Variants in SLC35A3 observed in about 807,000 individuals in gnomAD.
SLC35A3 encodes the protein UDP-N-acetylglucosamine transporter.
SLC35A3 carries 26 observed loss-of-function variants against 39.0 expected under a neutral mutation model. The ratio of observed to expected loss-of-function variants is 0.67; its 90% CI spans 0.49 to 0.92. The LOEUF is 0.92. Ranked by LOEUF, SLC35A3 falls within the 40% of genes least tolerant of loss-of-function variation. The probability of loss-of-function intolerance (pLI) is 0.00; values close to 1 mark genes in which losing one functional copy is unlikely to be tolerated. For synonymous variants in SLC35A3, 135 were observed against 133.1 expected, an observed-to-expected ratio of 1.01 and a Z score of -0.10; for missense variants, 299 against 371.6, an observed-to-expected ratio of 0.80 and a Z score of 1.61.
intron 1 of SLC35A3, among the ~76,000 whole-genome samples, chr1:99,981,871 A>G (rs1284014922): frequency 1.3e-5 from 2 of 152,190 alleles, no homozygotes. Context: ...AGCAAAATAC[A>G]GATATTGTCT....
At chr1:99,997,064 G>T (rs916234181) in intron 2 of SLC35A3, among the ~76,000 whole-genome samples, 2 of 151,736 alleles carry the variant, frequency 1.3e-5, no homozygotes, top group Non-Finnish European at 2.9e-5. Context: ...TATCTCTAAA[G>T]GATCTTTGGC....
intron 1 of SLC35A3, among the ~76,000 whole-genome samples, chr1:99,983,953 A>G (rs541494999): frequency 6.6e-6 from 1 of 152,270 alleles, no homozygotes; most frequent in African/African-American, 2.4e-5. Context: ...CATTTAATTA[A>G]TTATTTTACA....
At chr1:99,999,118 A>G (rs1658594165) in intron 2 of SLC35A3, 143 bp from the exon 3 acceptor site, 6 of 447,250 alleles carry the variant, frequency 1.3e-5, no homozygotes, top group South Asian at 1.2e-4. Context: ...TCAGCATCAT[A>G]AAGATATATT....
chr1:100,011,383 C>A lies in SLC35A3; in HGVS notation c.484C>A (p.Leu162Ile). 2.0e-6 allele frequency: 3 copies of A among 1,537,048 alleles called. No individual in the cohort carries two copies. The highest frequency in any genetic ancestry group is 1.8e-6 in the Non-Finnish European group (2 of 1,137,528). The change falls in exon 5 of 8, where the codon CTT (leucine) becomes ATT (isoleucine). Residue 162 changes from leucine to isoleucine, a missense_variant. Leu to Ile is a conservative substitution (Grantham distance 5, BLOSUM62 2). Coordinates refer to ENST00000533028, the MANE Select transcript of SLC35A3 (RefSeq NM_012243.3). ...TATTTAGTGGCCCTCAGATTCTCAG[C>A]TTGATTCTAAGGAACTTTCAGCTGG... ...AFVQWPSDSQ[L>I]DSKELSAGSQ...
chr1:99,978,876 A>C (rs911575096), intron 1 of SLC35A3: 1 of 152,232 alleles, frequency 6.6e-6, no homozygotes, highest in African/African-American at 2.4e-5. Flanking sequence ...AAATATAGCA[A>C]CTTAATTTCA....
chr1:100,018,169 T>TTTATA (rs1385274986), intron 7 of SLC35A3, among the ~76,000 whole-genome samples: 2 of 152,128 alleles, frequency 1.3e-5, no homozygotes, highest in Non-Finnish European at 2.9e-5. Flanking sequence ...AAGGAGATAG[T>TTTATA]TTATATAGAG....
chr1:100,007,101 G>A lies in SLC35A3; in HGVS notation c.410G>A (p.Gly137Asp). The change falls in exon 4 of 8, where the codon GGT (glycine) becomes GAT (aspartate). Residue 137 changes from glycine to aspartate, a missense_variant. Physicochemically the swap from Gly to Asp is moderately conservative, Grantham distance 94. Coordinates refer to ENST00000533028, the MANE Select transcript of SLC35A3 (RefSeq NM_012243.3). Reference protein sequence around the residue: ...FSVSMLSKKLGVYQWLSLVIL... With the variant: ...FSVSMLSKKLDVYQWLSLVIL... ...GTGTCTATGCTTAGTAAAAAATTGG[G>A]TGTATACCAGTGGCTGTCCCTAGTA... The A allele has an allele frequency of 7.4e-6, 12 of 1,612,602 alleles. No homozygotes were observed. Among genetic ancestry groups the A allele is most frequent in the Non-Finnish European group, 9.3e-6 (11 of 1,179,274 alleles).
chr1:99,971,302 A>G (rs760620294), intron 1 of SLC35A3, among the ~76,000 whole-genome samples: 18 of 151,750 alleles, frequency 1.2e-4, no homozygotes, highest in Non-Finnish European at 2.4e-4. Flanking sequence ...AGTAAAATCA[A>G]TATGATTCTT....
intron 3 of SLC35A3, among the ~76,000 whole-genome samples, chr1:100,000,414 T>G (rs1416773857): frequency 1.3e-5 from 2 of 152,164 alleles, no homozygotes; most frequent in Non-Finnish European, 2.9e-5. Context: ...TTTGCCCACT[T>G]TTTAATGGGA....
rs749135179 is a variant in SLC35A3, at chr1:100,033,320, G to A, written c.*10844G>A. 8.0e-5 allele frequency: 12 copies of A among 150,496 alleles called. No homozygotes were observed. The highest frequency in any genetic ancestry group is 1.5e-4 in the African/African-American group (6 of 41,088). The allele number at this position is 150,496 out of a possible 1,614,324, so 9.3% of individuals were successfully genotyped here. A position where few individuals can be genotyped will look rare whatever the true frequency, so the allele number is the denominator to read the frequency against. On this transcript the variant is annotated 3_prime_UTR_variant, in exon 8 of 8. Coordinates refer to ENST00000533028, the MANE Select transcript of SLC35A3 (RefSeq NM_012243.3). Reference sequence around the variant, plus strand: ...AAAAAAAAAAAAGATAAATTTTTTCGAAAAGTTTTATATGAAAAGTGTACT... The same window carrying A: ...AAAAAAAAAAAAGATAAATTTTTTCAAAAAGTTTTATATGAAAAGTGTACT...
intron 1 of SLC35A3, among the ~76,000 whole-genome samples, chr1:99,978,535 A>G (rs1440255306): frequency 6.6e-6 from 1 of 152,190 alleles, no homozygotes; most frequent in Non-Finnish European, 1.5e-5. Context: ...CAAAAAATAT[A>G]AAATAAAATA....
chr1:99,993,737 C>A lies in SLC35A3; in HGVS notation c.183C>A (p.Asp61Glu), dbSNP rs775133186. The change falls in exon 2 of 8, where the codon GAC (aspartate) becomes GAA (glutamate). Residue 61 changes from aspartate to glutamate, a missense_variant. Asp to Glu is a conservative substitution (Grantham distance 45, BLOSUM62 2). Transcript: ENST00000533028. ...IMACILLVYK[D>E]SKCSLRALNR... Reference sequence around the variant, plus strand: ...CCTGCATTTTATTGGTCTACAAAGACAGCAGTAGGTATCTAGGTTTTTTGT... The same window carrying A: ...CCTGCATTTTATTGGTCTACAAAGAAAGCAGTAGGTATCTAGGTTTTTTGT... The A allele has an allele frequency of 6.2e-7, 1 of 1,613,248 alleles. No individual in the cohort carries two copies. The highest frequency in any genetic ancestry group is 2.2e-5 in the East Asian group (1 of 44,838).
chr1:99,991,136 C>A (rs1658055693), intron 1 of SLC35A3, among the ~76,000 whole-genome samples: 1 of 152,104 alleles, frequency 6.6e-6, no homozygotes, highest in Non-Finnish European at 1.5e-5. Context: ...TGTCCTCATG[C>A]CAATACCAGG....
intron 3 of SLC35A3, chr1:100,000,529 T>A (rs1658696731): frequency 6.6e-6 from 1 of 152,132 alleles, no homozygotes; most frequent in African/African-American, 2.4e-5. Flanking sequence ...TGTGTCTGTA[T>A]TTTTTTCTTT....
chr1:99,997,401 TATATAGTTTTATATATATATATATATATA>T lies in SLC35A3; in HGVS notation c.188-1859_188-1831del, dbSNP rs1557832682. Among the ~76,000 whole-genome samples, 222 of 120,608 alleles carry T rather than the reference TATATAGTTTTATATATATATATATATATA, an allele frequency of 1.8e-3. 2 individuals are homozygous for T. The highest frequency in any genetic ancestry group is 4.1e-3 in the Middle Eastern group (1 of 242). 79.1% of individuals were successfully genotyped at this position (120,608 alleles called of 152,430 possible). A position where few individuals can be genotyped will look rare whatever the true frequency, so the allele number is the denominator to read the frequency against. On this transcript the variant is annotated intron_variant, in intron 2 of 7. Coordinates refer to ENST00000533028, the MANE Select transcript of SLC35A3 (RefSeq NM_012243.3). ...AAAATATATACAGTTATATGTTTTA[TATATAGTTTTATATATATATATATATATA>T]TATATATATATATATATATATATAT... is the stretch of plus-strand genomic sequence containing the variant.
Position 99,999,263 on chromosome 1 carries a change from T to C in SLC35A3, c.190T>C (p.Cys64Arg), listed in dbSNP as rs755793110. ...CILLVYKDSK[C>R]SLRALNRVLH... ...ATTTTTCTCATATTATTTTCTAGAA[T>C]GTAGTCTAAGAGCACTGAATCGAGT... The change falls in exon 3 of 8, where the codon TGT becomes CGT. Residue 64 changes from cysteine (C) to arginine (R), a missense_variant and splice_region_variant. Physicochemically the swap from Cys to Arg is radical, Grantham distance 180 (BLOSUM62 -3). Coordinates refer to ENST00000533028, the MANE Select transcript of SLC35A3 (RefSeq NM_012243.3). 2.6e-6 allele frequency: 4 copies of C among 1,514,142 alleles called. No homozygotes were observed. The highest frequency in any genetic ancestry group is 2.4e-5 in the East Asian group (1 of 42,388). The allele number at this position is 1,514,142 out of a possible 1,614,324, so 93.8% of individuals were successfully genotyped here. A position where few individuals can be genotyped will look rare whatever the true frequency, so the allele number is the denominator to read the frequency against.
intron 1 of SLC35A3, among the ~76,000 whole-genome samples, chr1:99,976,983 A>G (rs1657143115): frequency 6.6e-6 from 1 of 152,228 alleles, no homozygotes. Context: ...TTGGGGAAAA[A>G]AAAAGAATGT....
At chr1:99,997,843 G>T (rs527287984) in intron 2 of SLC35A3, among the ~76,000 whole-genome samples, 1 of 152,156 alleles carries the variant, frequency 6.6e-6, no homozygotes, top group African/African-American at 2.4e-5. Context: ...AGAATGGGCT[G>T]CAGTGGTTAG....
chr1:100,008,556 A>G (rs755387433), intron 4 of SLC35A3: 1 of 152,226 alleles, frequency 6.6e-6, no homozygotes, highest in South Asian at 2.1e-4. Flanking sequence ...CTGCTGCTGC[A>G]TACTTCACAC....
Sources: allele counts gnomAD v4.1 joint callset (sites outside exome capture counted in the v4.1 genomes callset), GRCh38; gene constraint gnomAD v4.1.1; transcripts MANE v1.5; gene names NCBI Gene and HGNC (gene_info 2026-07-23, HGNC 2026-07-21).